Variants in TASP1 observed in about 807,000 individuals in gnomAD.
TASP1 encodes threonine aspartase 1.
Under a neutral mutation model 56.6 loss-of-function variants are expected in TASP1, and 16 were observed. The ratio of observed to expected loss-of-function variants is 0.28; its 90% CI spans 0.19 to 0.43. The LOEUF is 0.43. TASP1 is among the 20% of genes least tolerant of loss of function. TASP1 has a pLI of 1.00. For missense variants in TASP1, 393 were observed against 511.6 expected (o/e 0.77, Z 2.24); for synonymous variants, 179 against 184.2 (o/e 0.97, Z 0.23).
chr20:13,391,577 C>T (rs1191861141), intron 13 of TASP1, among the ~76,000 whole-genome samples: 1 of 152,094 alleles, frequency 6.6e-6, no homozygotes, highest in Non-Finnish European at 1.5e-5. Flanking sequence ...TTTGAAGCTT[C>T]CTGTGGAGAT....
intron 6 of TASP1, among the ~76,000 whole-genome samples, chr20:13,576,342 G>GAAGAAAGGAAGAAAGGAAGAAAGA (rs1395310069): frequency 2.7e-4 from 35 of 131,738 alleles, no homozygotes; most frequent in African/African-American, 1.0e-3. Flanking sequence ...AGAAAGAAAG[G>GAAGAAAGGAAGAAAGGAAGAAAGA]AAGAAAGAAA....
At chr20:13,277,654 T>G in the TASP1 span, among the ~76,000 whole-genome samples, 3 of 152,086 alleles carry the variant, frequency 2.0e-5, no homozygotes, top group Non-Finnish European at 4.4e-5. Context: ...TTTTTTTTTT[T>G]TTTACTTTTG....
At position 13,390,153 on chromosome 20, in the gene TASP1, C is replaced by T; in HGVS notation, c.*207G>A. The T allele has an allele frequency of 1.9e-6, 1 of 534,166 alleles. No individual in the cohort carries two copies. The highest frequency in any genetic ancestry group is 2.0e-5 in the South Asian group (1 of 49,378). The allele number at this position is 534,166 out of a possible 1,614,324, so 33.1% of individuals were successfully genotyped here. ...ATACACATATGTGCGCACATACGCG[C>T]ACACACTCACACACAGTCCCGCTCA... On this transcript the variant is annotated 3_prime_UTR_variant, in exon 14 of 14. Coordinates refer to ENST00000337743, the MANE Select transcript of TASP1 (RefSeq NM_017714.3).
In TASP1 at chr20:13,428,509, C is replaced by T. The variant is rs180960301; in HGVS notation, c.1096+6535G>A. Among the ~76,000 whole-genome samples, 96 of 152,260 alleles carry T rather than the reference C, an allele frequency of 6.3e-4. 1 individual carries two copies. The highest frequency in any genetic ancestry group is 2.2e-3 in the African/African-American group (90 of 41,556). On this transcript the variant is annotated intron_variant, in intron 12 of 13. Transcript: ENST00000337743. ...ACTTCAGCAGGTAAAAATACATTGG[C>T]TTATTTTTTCTCTAAAAGCAGAGAG... is the stretch of plus-strand genomic sequence containing the variant.
At chr20:13,594,672 G>A (rs896860626) in intron 4 of TASP1, among the ~76,000 whole-genome samples, 8 of 152,106 alleles carry the variant, frequency 5.3e-5, no homozygotes, top group African/African-American at 1.9e-4. Flanking sequence ...GACAAGAATA[G>A]AGAAAAAAGA....
At chr20:13,154,901 C>G in the TASP1 span, among the ~76,000 whole-genome samples, 1 of 152,186 alleles carries the variant, frequency 6.6e-6, no homozygotes, top group Middle Eastern at 3.2e-3. Flanking sequence ...AGTTAACTGG[C>G]AGGGCACAGT....
chr20:13,209,061 C>T, the TASP1 span, among the ~76,000 whole-genome samples: 5 of 152,086 alleles, frequency 3.3e-5, no homozygotes, highest in Non-Finnish European at 7.3e-5. Context: ...CTTATATGTG[C>T]TTGTGTGGGT....
chr20:13,148,031 C>T, the TASP1 span, among the ~76,000 whole-genome samples: 1 of 152,162 alleles, frequency 6.6e-6, no homozygotes, highest in Non-Finnish European at 1.5e-5. Context: ...GAAATGCATT[C>T]TCTTTTTTTG....
At chr20:13,631,291 T>A (rs1211849603) in intron 1 of TASP1, among the ~76,000 whole-genome samples, 9 of 152,064 alleles carry the variant, frequency 5.9e-5, no homozygotes, top group Non-Finnish European at 1.2e-4. Context: ...CAGGAAAAAA[T>A]TTTTACTACA....
intron 4 of TASP1, among the ~76,000 whole-genome samples, chr20:13,592,048 G>C (rs944614993): frequency 6.6e-6 from 1 of 151,994 alleles, no homozygotes; most frequent in Non-Finnish European, 1.5e-5. Context: ...ACAAAGTAGA[G>C]ATGAAAGGAA....
At chr20:13,205,837 G>T in the TASP1 span, among the ~76,000 whole-genome samples, 259 of 152,322 alleles carry the variant, frequency 1.7e-3, no homozygotes, top group Non-Finnish European at 1.4e-3. Flanking sequence ...CAATGAGCAG[G>T]TCAGCTCTGC....
At chr20:13,341,461 C>T in the TASP1 span, among the ~76,000 whole-genome samples, 1 of 152,104 alleles carries the variant, frequency 6.6e-6, no homozygotes, top group Non-Finnish European at 1.5e-5. Context: ...ATTCAGCCCT[C>T]TTTTCCGTAA....
At chr20:13,169,576 G>C in the TASP1 span, among the ~76,000 whole-genome samples, 14 of 152,314 alleles carry the variant, frequency 9.2e-5, no homozygotes, top group Non-Finnish European at 1.5e-4. Context: ...CAGTAGAGGT[G>C]TGGGGCCAGG....
intron 11 of TASP1, among the ~76,000 whole-genome samples, chr20:13,447,848 T>C (rs1458683692): frequency 6.6e-6 from 1 of 152,180 alleles, no homozygotes; most frequent in East Asian, 1.9e-4. Flanking sequence ...ACTAATTTGC[T>C]ATACTCTTTA....
At chr20:13,544,702 T>C (rs1427468874) in intron 8 of TASP1, among the ~76,000 whole-genome samples, 2 of 152,214 alleles carry the variant, frequency 1.3e-5, no homozygotes, top group Non-Finnish European at 2.9e-5. Context: ...GTTGTCCAAT[T>C]TGGCTCTTTC....
chr20:13,274,890 A>G, the TASP1 span, among the ~76,000 whole-genome samples: 1 of 152,194 alleles, frequency 6.6e-6, no homozygotes, highest in African/African-American at 2.4e-5. Flanking sequence ...TCAGACTACT[A>G]AACTGAGTCT....
chr20:13,246,497 G>A, the TASP1 span, among the ~76,000 whole-genome samples: 1 of 152,214 alleles, frequency 6.6e-6, no homozygotes, highest in African/African-American at 2.4e-5. Context: ...ATGGCATGCA[G>A]TGTAGCTACT....
chr20:13,595,716 A>T (rs963133447), intron 4 of TASP1, among the ~76,000 whole-genome samples: 1 of 152,190 alleles, frequency 6.6e-6, no homozygotes, highest in Non-Finnish European at 1.5e-5. Flanking sequence ...GAGCACCCAG[A>T]TTCATAAAGG....
the TASP1 span, among the ~76,000 whole-genome samples, chr20:13,108,666 C>A: frequency 6.6e-6 from 1 of 150,898 alleles, no homozygotes; most frequent in East Asian, 2.0e-4. Context: ...CATCCGTCTC[C>A]TGGGTTCAAG....
Sources: gnomAD v4.1 joint callset for allele counts (sites outside exome capture counted in the v4.1 genomes callset) on GRCh38, gnomAD v4.1.1 for gene constraint, MANE v1.5 for transcripts, NCBI Gene and HGNC (gene_info 2026-07-23, HGNC 2026-07-21) for gene names.